Variants in PHLDB2 observed in about 807,000 individuals in gnomAD.
PHLDB2 encodes the protein pleckstrin homology-like domain family B member 2.
Under a neutral mutation model 123.6 loss-of-function variants are expected in PHLDB2, and 71 were observed. That is an observed-to-expected ratio of 0.57 (90% CI 0.47 to 0.70). PHLDB2 has a LOEUF of 0.70. Among genes scored for constraint, PHLDB2 ranks in the 30% least tolerant of loss-of-function variants. PHLDB2 has a pLI of 0.00. For synonymous variants in PHLDB2, 547 were observed against 541.6 expected (o/e 1.01, Z -0.14); for missense variants, 1,446 against 1,519.5 (o/e 0.95, Z 0.80).
chr3:111,896,080 G>A (rs562039412), intron 2 of PHLDB2, among the ~76,000 whole-genome samples: 42 of 151,996 alleles, frequency 2.8e-4, no homozygotes, highest in Non-Finnish European at 5.6e-4. Context: ...AGCCTGCTGA[G>A]TAGCTGGGAT....
At chr3:111,851,435 A>G (rs1447671690) in intron 2 of PHLDB2, among the ~76,000 whole-genome samples, 1 of 152,114 alleles carries the variant, frequency 6.6e-6, no homozygotes, top group African/African-American at 2.4e-5. Context: ...ATCTGTGACT[A>G]CAGAGTAATC....
At chr3:111,923,215 A>G (rs892741161) in intron 5 of PHLDB2, among the ~76,000 whole-genome samples, 3 of 152,120 alleles carry the variant, frequency 2.0e-5, no homozygotes, top group African/African-American at 4.8e-5. Context: ...TGTTAAGACT[A>G]CTAAAGACCT....
intron 5 of PHLDB2, among the ~76,000 whole-genome samples, chr3:111,930,191 A>G (rs1373133473): frequency 6.6e-6 from 1 of 151,902 alleles, no homozygotes; most frequent in South Asian, 2.1e-4. Flanking sequence ...GATTACAGGC[A>G]TGAAAGATTT....
At chr3:111,853,554 G>T (rs2064352604) in intron 2 of PHLDB2, among the ~76,000 whole-genome samples, 1 of 152,074 alleles carries the variant, frequency 6.6e-6, no homozygotes, top group Non-Finnish European at 1.5e-5. Context: ...TGCAAGGAAT[G>T]GTACCTACAT....
intron 1 of PHLDB2, among the ~76,000 whole-genome samples, chr3:111,780,394 G>C (rs1034023391): frequency 4.0e-5 from 2 of 49,400 alleles, no homozygotes; most frequent in Non-Finnish European, 5.6e-5. Flanking sequence ...AGAAGAAGAA[G>C]AAGAAGAAGA....
chr3:111,845,807 C>T, intron 1 of PHLDB2: 5 of 1,612,446 alleles, frequency 3.1e-6, no homozygotes, highest in Non-Finnish European at 4.2e-6. Flanking sequence ...CCTCTCTTTT[C>T]TTGCTGTGTG....
At chr3:111,894,922 G>T (rs993338321) in intron 2 of PHLDB2, among the ~76,000 whole-genome samples, 2 of 136,286 alleles carry the variant, frequency 1.5e-5, no homozygotes, top group Non-Finnish European at 3.2e-5. Context: ...TCTACAAATT[G>T]CTGGTTTGCG....
chr3:111,881,465 C>T (rs904676652), intron 1 of PHLDB2, among the ~76,000 whole-genome samples: 6 of 152,262 alleles, frequency 3.9e-5, no homozygotes, highest in African/African-American at 1.4e-4. Flanking sequence ...AGATGAACTG[C>T]TCATGCAGAG....
intron 16 of PHLDB2, among the ~76,000 whole-genome samples, chr3:111,972,270 A>G (rs1371884086): frequency 6.6e-6 from 1 of 152,210 alleles, no homozygotes; most frequent in African/African-American, 2.4e-5. Context: ...TTAACTGAAC[A>G]TGGTATCAGT....
At chr3:111,789,133 G>A (rs986942956) in intron 1 of PHLDB2, among the ~76,000 whole-genome samples, 1 of 152,112 alleles carries the variant, frequency 6.6e-6, no homozygotes, top group African/African-American at 2.4e-5. Context: ...CAAGGCGATG[G>A]AAAAAACAGT....
rs933896010 is a variant in PHLDB2, at chr3:111,894,036, A to C, written c.1335+8624A>C. On this transcript the variant is annotated intron_variant, in intron 2 of 17. Transcript: ENST00000431670. ...TAACTCGTCATCTAGCATTAGGTATATCTCCCAATGCTATCCCTCCCCCCT... is the reference window on the plus strand; with the variant it reads ...TAACTCGTCATCTAGCATTAGGTATCTCTCCCAATGCTATCCCTCCCCCCT... Among the ~76,000 whole-genome samples, 9 of 141,072 alleles carry C rather than the reference A, an allele frequency of 6.4e-5. No homozygotes were observed. The East Asian group carries it at 2.0e-3, about 31-fold the overall frequency. 92.5% of individuals were successfully genotyped at this position (141,072 alleles called of 152,430 possible).
intron 12 of PHLDB2, chr3:111,958,306 ACAGG>A: frequency 1.0e-6 from 1 of 991,892 alleles, no homozygotes; most frequent in Non-Finnish European, 1.2e-6. Flanking sequence ...GTGAGCTATG[ACAGG>A]CTGAATTGTT....
At chr3:111,866,403 G>A (rs988413178) in intron 1 of PHLDB2, among the ~76,000 whole-genome samples, 7 of 152,130 alleles carry the variant, frequency 4.6e-5, no homozygotes, top group African/African-American at 1.2e-4. Flanking sequence ...CCTCTTGTGA[G>A]CCTGTTTGTA....
At chr3:111,922,857 C>T (rs1490866883) in intron 5 of PHLDB2, among the ~76,000 whole-genome samples, 1 of 152,162 alleles carries the variant, frequency 6.6e-6, no homozygotes, top group Non-Finnish European at 1.5e-5. Flanking sequence ...CCCATCTTCT[C>T]ACAATGAAGG....
Position 111,974,730 on chromosome 3 carries a change from G to A in PHLDB2, c.*167G>A, listed in dbSNP as rs2072444205. On this transcript the variant is annotated 3_prime_UTR_variant, in exon 18 of 18. Transcript: ENST00000431670. ...AGTTATTTGTAAAAAATAAAGAAGG[G>A]GTTTTAATACAAACCTTCATAATAA... 4 of 595,932 alleles carry A rather than the reference G, an allele frequency of 6.7e-6. No individual in the cohort carries two copies. Among genetic ancestry groups the A allele is most frequent in the Admixed American group, 4.0e-5 (1 of 24,936 alleles). 36.9% of individuals were successfully genotyped at this position (595,932 alleles called of 1,614,324 possible).
chr3:111,911,654 G>A (rs1195743983), intron 2 of PHLDB2: 8 of 1,536,072 alleles, frequency 5.2e-6, no homozygotes, highest in South Asian at 2.4e-5. Context: ...AGCTATGAGT[G>A]CCTGCCGTGG....
At chr3:111,949,381 T>C (rs7634410) in intron 10 of PHLDB2, among the ~76,000 whole-genome samples, 19,789 of 152,212 alleles carry the variant, frequency 0.13, 1,625 homozygotes, top group Non-Finnish European at 0.18. Context: ...TAAAAAGCCT[T>C]TCTAAAATTG....
chr3:111,920,332 T>C lies in PHLDB2; in HGVS notation c.1914T>C (p.Thr638=), dbSNP rs766600882. 4.3e-6 allele frequency: 7 copies of C among 1,614,036 alleles called. No individual in the cohort carries two copies. The Admixed American group carries it at 1.2e-4, about 27-fold the overall frequency. ...LLDGEQKSET[T]ELMKEKEILD... ...ATGGAGAACAGAAATCTGAAACAACTGAACTTATGAAGGAGAAGGAGATTT... is the reference window on the plus strand; with the variant it reads ...ATGGAGAACAGAAATCTGAAACAACCGAACTTATGAAGGAGAAGGAGATTT... Residue 638 remains threonine, a synonymous_variant, in exon 5 of 18, where the codon ACT becomes ACC. Coordinates refer to ENST00000431670, the MANE Select transcript of PHLDB2 (RefSeq NM_001134438.2).
At chr3:111,805,878 AGATACAAGAAGTCAAG>A (rs2061563848) in intron 1 of PHLDB2, among the ~76,000 whole-genome samples, 1 of 148,838 alleles carries the variant, frequency 6.7e-6, no homozygotes, top group African/African-American at 2.5e-5. Context: ...AAAAAAGAAA[AGATACAAGAAGTCAAG>A]AAAGAAGCCA....
Sources: allele counts gnomAD v4.1 joint callset (sites outside exome capture counted in the v4.1 genomes callset), GRCh38; gene constraint gnomAD v4.1.1; transcripts MANE v1.5; gene names NCBI Gene and HGNC (gene_info 2026-07-23, HGNC 2026-07-21).